The following NETO2 variants were observed in gnomAD, a reference collection of about 807,000 sequenced individuals.
The protein encoded by NETO2 is neuropilin and tolloid like 2.
Under a neutral mutation model 62.5 loss-of-function variants are expected in NETO2, and 28 were observed. That is an observed-to-expected ratio of 0.45 (90% CI 0.33 to 0.61). The LOEUF (loss-of-function observed/expected upper bound fraction) is 0.61, where lower values mean the gene tolerates loss of function less well. Ranked by LOEUF, NETO2 falls within the 20% of genes least tolerant of loss-of-function variation. NETO2 has a pLI of 0.02. For missense variants in NETO2, 548 were observed against 643.2 expected (o/e 0.85, Z 1.60); for synonymous variants, 214 against 219.1 (o/e 0.98, Z 0.21).
At chr16:47,094,659 C>T (rs1030206075) in intron 7 of NETO2, among the ~76,000 whole-genome samples, 29 of 151,768 alleles carry the variant, frequency 1.9e-4, no homozygotes, top group Non-Finnish European at 3.4e-4. Flanking sequence ...TCTTGTTGAC[C>T]TCATGATCTG....
chr16:47,140,034 AC>A (rs1354511247), intron 1 of NETO2, among the ~76,000 whole-genome samples: 1 of 152,240 alleles, frequency 6.6e-6, no homozygotes, highest in Non-Finnish European at 1.5e-5. Context: ...AAAGGACTGA[AC>A]TTTCAGATTA....
intron 7 of NETO2, among the ~76,000 whole-genome samples, chr16:47,100,786 A>G (rs776396454): frequency 6.6e-6 from 1 of 152,128 alleles, no homozygotes; most frequent in Non-Finnish European, 1.5e-5. Context: ...ACCGATAACA[A>G]GTTCTGAAAT....
intron 6 of NETO2, among the ~76,000 whole-genome samples, chr16:47,112,864 T>C (rs185094464): frequency 2.6e-5 from 4 of 152,200 alleles, no homozygotes; most frequent in East Asian, 1.9e-4. Context: ...TGAGATCTAA[T>C]AAATATTGTT....
intron 7 of NETO2, 88 bp from the exon 8 acceptor site, chr16:47,086,427 T>C (rs1355081223): frequency 2.5e-6 from 2 of 807,602 alleles, no homozygotes; most frequent in Non-Finnish European, 4.1e-6. Flanking sequence ...ATAAGAGTAC[T>C]TTCTTACCGC....
At chr16:47,121,824 T>G (rs755343755) in intron 6 of NETO2, among the ~76,000 whole-genome samples, 1 of 152,214 alleles carries the variant, frequency 6.6e-6, no homozygotes, top group Non-Finnish European at 1.5e-5. Flanking sequence ...CAGTTCTCTC[T>G]CTTCATTTCT....
Position 47,143,570 on chromosome 16 carries a change from G to A in NETO2, c.34+9C>T, listed in dbSNP as rs1964510973. 1.5e-5 allele frequency: 18 copies of A among 1,223,106 alleles called. No homozygotes were observed. The highest frequency in any genetic ancestry group is 1.7e-5 in the Non-Finnish European group (17 of 978,572). 75.8% of individuals were successfully genotyped at this position (1,223,106 alleles called of 1,614,324 possible). A position where few individuals can be genotyped will look rare whatever the true frequency, so the allele number is the denominator to read the frequency against. On this transcript the variant is annotated intron_variant, in intron 1 of 8. Coordinates refer to ENST00000562435, the MANE Select transcript of NETO2 (RefSeq NM_018092.5). Reference sequence around the variant, plus strand: ...GGGCGCCGTCCGTGGCCCCAGCCCCGGTCCTTACCTTTGAGGACCGAGCAG... The same window carrying A: ...GGGCGCCGTCCGTGGCCCCAGCCCCAGTCCTTACCTTTGAGGACCGAGCAG...
intron 8 of NETO2, 123 bp from the exon 9 acceptor site, chr16:47,083,924 A>G: frequency 1.5e-6 from 1 of 674,236 alleles, no homozygotes; most frequent in Non-Finnish European, 2.4e-6. Flanking sequence ...CAGACAATGC[A>G]ATTTACAATT....
chr16:47,127,276 G>A lies in NETO2; in HGVS notation c.481+1049C>T, dbSNP rs111407539. ...GTTTCTGCATTAGGGATATGTACAC[G>A]CCATACTGGACAGGGCTTTACAGTT... On this transcript the variant is annotated intron_variant, in intron 4 of 8. Transcript: ENST00000562435. Among the ~76,000 whole-genome samples the A allele has an allele frequency of 6.8e-4, 103 of 152,264 alleles. 2 individuals are homozygous for A. Among genetic ancestry groups the A allele is most frequent in the African/African-American group, 1.9e-3 (81 of 41,544 alleles).
At chr16:47,095,085 G>A (rs1963402564) in intron 7 of NETO2, among the ~76,000 whole-genome samples, 1 of 152,098 alleles carries the variant, frequency 6.6e-6, no homozygotes, top group East Asian at 1.9e-4. Context: ...GTCTGTGTAT[G>A]AGCTACAACC....
chr16:47,143,735 C>A lies in NETO2; in HGVS notation c.-123G>T. ...CCCATCGCCGGCCAGCAGCTGCCTC[C>A]CCGCTCCCCTGAGGAGAGCTCAGGT... On this transcript the variant is annotated 5_prime_UTR_variant, in exon 1 of 9. Transcript: ENST00000562435. The A allele has an allele frequency of 8.6e-7, 1 of 1,165,628 alleles. No individual in the cohort carries two copies. The highest frequency in any genetic ancestry group is 1.1e-6 in the Non-Finnish European group (1 of 934,454). 72.2% of individuals were successfully genotyped at this position (1,165,628 alleles called of 1,614,324 possible). A position where few individuals can be genotyped will look rare whatever the true frequency, so the allele number is the denominator to read the frequency against.
In NETO2 at chr16:47,122,188, C is replaced by T. The variant is rs1414257543; in HGVS notation, c.654+469G>A. Among the ~76,000 whole-genome samples, 6 of 152,182 alleles carry T rather than the reference C, an allele frequency of 3.9e-5. No homozygotes were observed. The South Asian group carries it at 8.3e-4, about 21-fold the overall frequency. On this transcript the variant is annotated intron_variant, in intron 6 of 8. Coordinates refer to ENST00000562435, the MANE Select transcript of NETO2 (RefSeq NM_018092.5). ...TCCCTGCAGTTCTTTCCAATAAAAG[C>T]ACCCCATGAGTAGCAGAGGATGGCA... is the stretch of plus-strand genomic sequence containing the variant.
Position 47,109,548 on chromosome 16 carries a change from C to T in NETO2, c.818G>A (p.Arg273Gln), listed in dbSNP as rs773283296. Reference protein sequence around the residue: ...VMLKTGIGVIRMWADEGSRLS... With the variant: ...VMLKTGIGVIQMWADEGSRLS... ...CCGACTACCTTCATCTGCCCACATT[C>T]GAATCACTCCAATTCCTGTTTTAAG... The change falls in exon 7 of 9, where the codon CGA becomes CAA. Residue 273 changes from arginine (R) to glutamine (Q), a missense_variant. Physicochemically the swap from Arg to Gln is conservative, Grantham distance 43 (BLOSUM62 1). Coordinates refer to ENST00000562435, the MANE Select transcript of NETO2 (RefSeq NM_018092.5). 10 of 1,613,988 alleles carry T rather than the reference C, an allele frequency of 6.2e-6. No individual in the cohort carries two copies. The highest frequency in any genetic ancestry group is 1.7e-5 in the Admixed American group (1 of 59,986).
At chr16:47,093,123 C>G (rs1963347156) in intron 7 of NETO2, among the ~76,000 whole-genome samples, 1 of 152,154 alleles carries the variant, frequency 6.6e-6, no homozygotes, top group African/African-American at 2.4e-5. Flanking sequence ...CTCCCTGATG[C>G]CTGTAAGATG....
rs1963039248 is a variant in NETO2, at chr16:47,080,187, T to A, written c.*3034A>T. 1 of 152,242 alleles carries A rather than the reference T, an allele frequency of 6.6e-6. No individual in the cohort carries two copies. The highest frequency in any genetic ancestry group is 2.1e-4 in the South Asian group (1 of 4,832). 9.4% of individuals were successfully genotyped at this position (152,242 alleles called of 1,614,324 possible). A position where few individuals can be genotyped will look rare whatever the true frequency, so the allele number is the denominator to read the frequency against. On this transcript the variant is annotated 3_prime_UTR_variant, in exon 9 of 9. Transcript: ENST00000562435. The stretch of plus-strand genomic sequence containing the variant: ...AATATCACATCTTATTCCTACATGC[T>A]TTAGATGTTGGGATTAGTAGGTTTC...
At chr16:47,110,638 A>G (rs1345988311) in intron 6 of NETO2, among the ~76,000 whole-genome samples, 1 of 152,152 alleles carries the variant, frequency 6.6e-6, no homozygotes, top group Non-Finnish European at 1.5e-5. Context: ...ATGTGACTCT[A>G]TCATTAAAAT....
At chr16:47,137,992 A>G (rs1268595014) in intron 1 of NETO2, among the ~76,000 whole-genome samples, 1 of 152,132 alleles carries the variant, frequency 6.6e-6, no homozygotes, top group African/African-American at 2.4e-5. Flanking sequence ...AGGTCACCCT[A>G]TGGTCCAGTA....
chr16:47,143,511 C>A (rs1964509287), intron 1 of NETO2, 68 bp downstream of exon 1: 2 of 1,214,446 alleles, frequency 1.6e-6, no homozygotes, highest in Non-Finnish European at 2.0e-6. Flanking sequence ...CGCAGAGGCG[C>A]GGGCAGGGCG....
chr16:47,117,401 T>C (rs1343428330), intron 6 of NETO2, among the ~76,000 whole-genome samples: 3 of 152,242 alleles, frequency 2.0e-5, no homozygotes, highest in Admixed American at 6.5e-5. Flanking sequence ...TCTGCAGATA[T>C]ATGTCCTTCA....
intron 4 of NETO2, among the ~76,000 whole-genome samples, chr16:47,123,225 T>G (rs1336298305): frequency 6.6e-6 from 1 of 152,240 alleles, no homozygotes; most frequent in Non-Finnish European, 1.5e-5. Context: ...TAAAAAGGAA[T>G]GAAGTTCCTT....
Sources: allele counts gnomAD v4.1 joint callset (sites outside exome capture counted in the v4.1 genomes callset), GRCh38; gene constraint gnomAD v4.1.1; transcripts MANE v1.5; gene names NCBI Gene and HGNC (gene_info 2026-07-23, HGNC 2026-07-21).